CDYL2: variants seen among roughly 807,000 people sequenced by gnomAD.
The protein encoded by CDYL2 is chromodomain Y-like protein 2.
A neutral mutation model predicts 49.4 loss-of-function variants in CDYL2; 23 were observed. The observed-to-expected ratio is 0.47, with a 90% CI of 0.34 to 0.66. The LOEUF (loss-of-function observed/expected upper bound fraction) is 0.66. Among genes scored for constraint, CDYL2 ranks in the 30% least tolerant of loss-of-function variants. CDYL2 has a pLI of 0.01. For synonymous variants in CDYL2, 360 were observed against 268.8 expected, an observed-to-expected ratio of 1.34 and a Z score of -3.32; for missense variants, 678 against 656.4, an observed-to-expected ratio of 1.03 and a Z score of -0.36.
At chr16:80,760,955 A>G (rs983150174) in intron 1 of CDYL2, among the ~76,000 whole-genome samples, 3 of 152,170 alleles carry the variant, frequency 2.0e-5, no homozygotes, top group Non-Finnish European at 4.4e-5. Context: ...AAAGGTGACA[A>G]AAACCAAATT....
intron 2 of CDYL2, among the ~76,000 whole-genome samples, chr16:80,667,530 G>GAA (rs1344494117): frequency 1.3e-5 from 2 of 152,110 alleles, no homozygotes; most frequent in Non-Finnish European, 2.9e-5. Flanking sequence ...CCTTACCTAT[G>GAA]GCCCCACAAT....
chr16:80,733,329 A>G (rs1245195910), intron 1 of CDYL2, among the ~76,000 whole-genome samples: 3 of 152,250 alleles, frequency 2.0e-5, no homozygotes, highest in Admixed American at 6.5e-5. Context: ...CAGGGATGGA[A>G]TGAGTTGGAA....
chr16:80,764,296 A>G (rs1354788314), intron 1 of CDYL2, among the ~76,000 whole-genome samples: 1 of 152,210 alleles, frequency 6.6e-6, no homozygotes, highest in Admixed American at 6.5e-5. Context: ...AAAGAAATAT[A>G]TGTGACCTAT....
intron 1 of CDYL2, among the ~76,000 whole-genome samples, chr16:80,701,934 A>G (rs1287499676): frequency 2.6e-5 from 4 of 152,234 alleles, no homozygotes; most frequent in African/African-American, 9.6e-5. Context: ...GCATTAGGAC[A>G]GGAAAAATAA....
intron 1 of CDYL2, among the ~76,000 whole-genome samples, chr16:80,734,321 T>A (rs555864603): frequency 1.6e-4 from 25 of 152,060 alleles, no homozygotes; most frequent in Non-Finnish European, 2.8e-4. Context: ...GACTTCGGGG[T>A]CATAATCATC....
rs894364127 is a variant in CDYL2 at position 80,779,597 on chromosome 16, C to CA, written c.24+24552dup. Among the ~76,000 whole-genome samples, 35 of 150,612 alleles carry CA rather than the reference C, an allele frequency of 2.3e-4. 1 individual carries two copies. The Middle Eastern group carries it at 0.014, about 59-fold the overall frequency. On this transcript the variant is annotated intron_variant, in intron 1 of 6. Transcript: ENST00000570137. ...CCCCTGTTTAAAATACTGAAAATTT[C>CA]AAAAAAAACCAAGTATAAAATCTAA...
At chr16:80,611,986 G>T (rs781554785) in intron 5 of CDYL2, among the ~76,000 whole-genome samples, 6 of 152,226 alleles carry the variant, frequency 3.9e-5, no homozygotes, top group Non-Finnish European at 5.9e-5. Context: ...AATCGCAATC[G>T]TTTCCACATG....
rs1405994258 is a variant in CDYL2 at position 80,597,962 on chromosome 16, T to C, written c.*6426A>G. 1 of 152,186 alleles carries C rather than the reference T, an allele frequency of 6.6e-6. No individual in the cohort carries two copies. The highest frequency in any genetic ancestry group is 1.5e-5 in the Non-Finnish European group (1 of 68,026). 9.4% of individuals were successfully genotyped at this position (152,186 alleles called of 1,614,324 possible). On this transcript the variant is annotated 3_prime_UTR_variant, in exon 7 of 7. Transcript: ENST00000570137. The stretch of plus-strand genomic sequence containing the variant: ...CTCACAATGTATAAATACTGCATAT[T>C]AGCACACATGAAAAATACAACTTCT...
At chr16:80,760,159 C>A (rs555255902) in intron 1 of CDYL2, among the ~76,000 whole-genome samples, 4 of 152,318 alleles carry the variant, frequency 2.6e-5, no homozygotes, top group African/African-American at 9.6e-5. Context: ...TATTATCCAA[C>A]TTGGGGATGC....
At chr16:80,787,857 C>T (rs555527334) in intron 1 of CDYL2, among the ~76,000 whole-genome samples, 53 of 152,246 alleles carry the variant, frequency 3.5e-4, no homozygotes, top group African/African-American at 1.3e-3. Context: ...TGTGCATGCT[C>T]TGGTAATATT....
chr16:80,612,486 G>C lies in CDYL2; in HGVS notation c.1218+140C>G. On this transcript the variant is annotated intron_variant, in intron 5 of 6. Coordinates refer to ENST00000570137, the MANE Select transcript of CDYL2 (RefSeq NM_152342.4). This position sits in a 1 kb window ranked among gnomAD's most constrained non-coding sequence, Gnocchi z 5.0. ...CCGGGCTACTCCATCTGGCACTGAA[G>C]GTGTGAAGGACATGAGGCAGCCAAG... 1 of 739,294 alleles carries C rather than the reference G, an allele frequency of 1.4e-6. No individual in the cohort carries two copies. Among genetic ancestry groups the C allele is most frequent in the African/African-American group, 1.8e-5 (1 of 56,926 alleles). 45.8% of individuals were successfully genotyped at this position (739,294 alleles called of 1,614,324 possible). A position where few individuals can be genotyped will look rare whatever the true frequency, so the allele number is the denominator to read the frequency against.
chr16:80,642,686 A>G (rs371395057), intron 2 of CDYL2, among the ~76,000 whole-genome samples: 39 of 152,184 alleles, frequency 2.6e-4, no homozygotes, highest in Admixed American at 1.4e-3. Flanking sequence ...CTTCTTACAT[A>G]GCAGTGGCAA....
intron 2 of CDYL2, chr16:80,679,877 C>T (rs1469339018): frequency 2.3e-6 from 1 of 433,354 alleles, no homozygotes; most frequent in Non-Finnish European, 4.7e-6. Flanking sequence ...TCTCAGGCTC[C>T]ACACTACACC....
At chr16:80,694,278 C>A (rs1221880458) in intron 1 of CDYL2, among the ~76,000 whole-genome samples, 3 of 152,216 alleles carry the variant, frequency 2.0e-5, no homozygotes, top group African/African-American at 7.2e-5. Flanking sequence ...GCTCCCTTAC[C>A]CACCACTCAC....
intron 1 of CDYL2, among the ~76,000 whole-genome samples, chr16:80,717,327 C>A (rs1904846392): frequency 6.6e-6 from 1 of 152,208 alleles, no homozygotes; most frequent in African/African-American, 2.4e-5. Context: ...TGAATTATCA[C>A]CAGTTCTCTT....
At chr16:80,701,804 T>C (rs575319127) in intron 1 of CDYL2, among the ~76,000 whole-genome samples, 1 of 152,330 alleles carries the variant, frequency 6.6e-6, no homozygotes, top group East Asian at 1.9e-4. Flanking sequence ...GGTTCTCAAG[T>C]ACCTTTGGGA....
At chr16:80,641,736 G>C (rs1212564941) in intron 2 of CDYL2, among the ~76,000 whole-genome samples, 4 of 127,906 alleles carry the variant, frequency 3.1e-5, no homozygotes, top group Non-Finnish European at 6.4e-5. Context: ...ATCACACTCT[G>C]GGGACTGTTG....
chr16:80,647,230 T>C (rs916883761), intron 2 of CDYL2, among the ~76,000 whole-genome samples: 6 of 152,214 alleles, frequency 3.9e-5, no homozygotes, highest in African/African-American at 1.4e-4. Flanking sequence ...ACTGGAAAGA[T>C]ATTCCATGTT....
chr16:80,669,067 C>A (rs1453835698), intron 2 of CDYL2, among the ~76,000 whole-genome samples: 5 of 151,738 alleles, frequency 3.3e-5, no homozygotes, highest in Non-Finnish European at 7.4e-5. Context: ...TTTTAGGGAC[C>A]TAGATATACC....
Sources: allele counts gnomAD v4.1 joint callset (sites outside exome capture counted in the v4.1 genomes callset), GRCh38; gene constraint gnomAD v4.1.1; non-coding constraint Gnocchi (gnomAD v3.1); transcripts MANE v1.5; gene names NCBI Gene and HGNC (gene_info 2026-07-23, HGNC 2026-07-21).